NFIB: variants seen among roughly 807,000 people sequenced by gnomAD.
NFIB encodes the protein nuclear factor I B.
A neutral mutation model predicts 61.5 loss-of-function variants in NFIB; 11 were observed. The observed-to-expected ratio is 0.18, with a 90% CI of 0.11 to 0.30. The LOEUF is 0.30. Among genes scored for constraint, NFIB ranks in the 10% least tolerant of loss-of-function variants. The pLI is 1.00. For missense variants in NFIB, 471 were observed against 608.9 expected (o/e 0.77, Z 2.38); for synonymous variants, 260 against 216.5 (o/e 1.20, Z -1.76).
At chr9:14,210,734 T>C (rs1193081278) in intron 2 of NFIB, among the ~76,000 whole-genome samples, 1 of 152,126 alleles carries the variant, frequency 6.6e-6, no homozygotes, top group Non-Finnish European at 1.5e-5. Flanking sequence ...GAAAACATCA[T>C]TCACTGTTTT....
intron 2 of NFIB, chr9:14,300,272 C>T: frequency 2.5e-6 from 1 of 398,422 alleles, no homozygotes; most frequent in Non-Finnish European, 4.4e-6. Context: ...CGTAATAACT[C>T]AAGTTTCCGA....
At chr9:14,181,648 G>C (rs2046790646) in intron 2 of NFIB, among the ~76,000 whole-genome samples, 1 of 152,138 alleles carries the variant, frequency 6.6e-6, no homozygotes, top group Non-Finnish European at 1.5e-5. Context: ...GAGTTCCTCT[G>C]ACAAATGTCT....
chr9:14,524,358 TTC>T, the NFIB span, among the ~76,000 whole-genome samples: 1 of 152,216 alleles, frequency 6.6e-6, no homozygotes, highest in African/African-American at 2.4e-5. Context: ...GCTGGTAATA[TTC>T]TCTCTCACAA....
At chr9:14,198,939 C>T (rs1201424382) in intron 2 of NFIB, among the ~76,000 whole-genome samples, 3 of 152,168 alleles carry the variant, frequency 2.0e-5, no homozygotes, top group African/African-American at 4.8e-5. Context: ...TACAGTGAAT[C>T]CTAAAAAGCA....
the NFIB span, among the ~76,000 whole-genome samples, chr9:14,441,776 G>C: frequency 6.6e-6 from 1 of 152,062 alleles, no homozygotes; most frequent in Admixed American, 6.5e-5. Flanking sequence ...ATAAGCAGTA[G>C]TTGCTATCCA....
At chr9:14,410,921 T>G in the NFIB span, among the ~76,000 whole-genome samples, 2 of 152,212 alleles carry the variant, frequency 1.3e-5, no homozygotes, top group African/African-American at 2.4e-5. Context: ...AATCAGTCTC[T>G]GAGATTAGTC....
Position 14,376,391 on chromosome 9 carries a change from T to G in NFIB, c.108+22133A>C, listed in dbSNP as rs192029377. Among the ~76,000 whole-genome samples the G allele has an allele frequency of 2.0e-5, 3 of 152,350 alleles. No homozygotes were observed. The East Asian group carries it at 5.8e-4, about 29-fold the overall frequency. The stretch of plus-strand genomic sequence containing the variant: ...GAAATAGTAAAGAGTAGCTTCAACT[T>G]AGAAGACACTATTTCCTGCAGGGAT... On this transcript the variant is annotated intron_variant, in intron 1 of 8. Transcript: ENST00000380934.
chr9:14,121,420 T>C (rs995523862), intron 7 of NFIB, among the ~76,000 whole-genome samples: 1 of 152,128 alleles, frequency 6.6e-6, no homozygotes. Flanking sequence ...AAAAGTGAAA[T>C]TCAATTTCAA....
intron 1 of NFIB, among the ~76,000 whole-genome samples, chr9:14,350,491 T>C (rs939775819): frequency 1.4e-5 from 2 of 142,796 alleles, no homozygotes; most frequent in Non-Finnish European, 3.1e-5. Flanking sequence ...CCAATTCCTA[T>C]AGGGCGAAAG....
At position 14,088,141 on chromosome 9, in the gene NFIB, CT is replaced by C. The variant is rs745329834; in HGVS notation, c.*167del. The C allele has an allele frequency of 4.8e-4, 642 of 1,351,480 alleles. 1 individual carries two copies. Among genetic ancestry groups the C allele is most frequent in the African/African-American group, 2.6e-3 (173 of 66,692 alleles). 83.7% of individuals were successfully genotyped at this position (1,351,480 alleles called of 1,614,324 possible). On this transcript the variant is annotated 3_prime_UTR_variant, in exon 11 of 11. Coordinates refer to ENST00000380953, the MANE Select transcript of NFIB (RefSeq NM_001190737.2). ...TGTTTTGTCCAGTCTTCCTCTTTTC[CT>C]TTTTTTTTATTTAAAAAAAAAATTT...
intron 6 of NFIB, among the ~76,000 whole-genome samples, chr9:14,132,191 T>A (rs1275496127): frequency 6.6e-6 from 1 of 152,254 alleles, no homozygotes; most frequent in Non-Finnish European, 1.5e-5. Context: ...GCCAGTCCTA[T>A]GATTTAGTCC....
intron 2 of NFIB, among the ~76,000 whole-genome samples, chr9:14,259,955 T>C (rs754594170): frequency 4.6e-5 from 7 of 152,098 alleles, no homozygotes; most frequent in Non-Finnish European, 1.0e-4. Context: ...AAAACAGATA[T>C]TTTAGTTGAC....
intron 2 of NFIB, among the ~76,000 whole-genome samples, chr9:14,184,006 C>T (rs2047079244): frequency 6.6e-6 from 1 of 152,214 alleles, no homozygotes; most frequent in Non-Finnish European, 1.5e-5. Flanking sequence ...AAAAGGTTCA[C>T]ATTCATGCAC....
chr9:14,404,647 C>T, the NFIB span, among the ~76,000 whole-genome samples: 2 of 152,138 alleles, frequency 1.3e-5, no homozygotes, highest in Admixed American at 1.3e-4. Context: ...CTTGTTTTCC[C>T]AGGCTTTAGT....
At chr9:14,514,323 T>TACACACACACACACACACAC in the NFIB span, among the ~76,000 whole-genome samples, 119 of 147,428 alleles carry the variant, frequency 8.1e-4, no homozygotes, top group East Asian at 7.0e-3. Flanking sequence ...CATACATACA[T>TACACACACACACACACACAC]ACATACACAC....
chr9:14,247,990 C>T (rs531557051), intron 2 of NFIB, among the ~76,000 whole-genome samples: 5 of 148,058 alleles, frequency 3.4e-5, no homozygotes, highest in East Asian at 4.0e-4. Context: ...TGGAGTACAA[C>T]GGCATAATCA....
At chr9:14,391,043 G>T (rs1425374162) in intron 1 of NFIB, among the ~76,000 whole-genome samples, 2 of 152,150 alleles carry the variant, frequency 1.3e-5, no homozygotes, top group African/African-American at 4.8e-5. Context: ...ATATCAATTT[G>T]TACAGATACT....
the NFIB span, among the ~76,000 whole-genome samples, chr9:14,443,598 A>G: frequency 6.6e-6 from 1 of 152,124 alleles, no homozygotes; most frequent in South Asian, 2.1e-4. Flanking sequence ...CCCAATTGCA[A>G]TACATCCTCC....
At chr9:14,480,156 G>T in the NFIB span, among the ~76,000 whole-genome samples, 3 of 151,984 alleles carry the variant, frequency 2.0e-5, no homozygotes, top group Non-Finnish European at 4.4e-5. Flanking sequence ...CAGATATGGG[G>T]TCTTTATTTC....
Sources: gnomAD v4.1 joint callset for allele counts (sites outside exome capture counted in the v4.1 genomes callset) on GRCh38, gnomAD v4.1.1 for gene constraint, MANE v1.5 for transcripts, NCBI Gene and HGNC (gene_info 2026-07-23, HGNC 2026-07-21) for gene names.